SKP2: variants seen among roughly 807,000 people sequenced by gnomAD.
The protein encoded by SKP2 is S-phase kinase associated protein 2.
In SKP2, 16 loss-of-function variants were observed where a neutral mutation model predicts 51.8. The ratio of observed to expected loss-of-function variants is 0.31; its 90% CI spans 0.21 to 0.47. SKP2 has a LOEUF of 0.47. SKP2 is among the 20% of genes least tolerant of loss of function. The pLI is 1.00. For synonymous variants in SKP2, 176 were observed against 198.6 expected, an observed-to-expected ratio of 0.89 and a Z score of 0.96; for missense variants, 377 against 505.3, an observed-to-expected ratio of 0.75 and a Z score of 2.43.
chr5:36,185,565 A>G (rs548778889), downstream of SKP2, among the ~76,000 whole-genome samples: 2 of 152,160 alleles, frequency 1.3e-5, no homozygotes, highest in Non-Finnish European at 1.5e-5. Flanking sequence ...ATGGTTGTAC[A>G]TGTGTGGTAT....
chr5:36,162,745 G>A (rs905366944), intron 2 of SKP2, among the ~76,000 whole-genome samples: 1 of 152,142 alleles, frequency 6.6e-6, no homozygotes, highest in African/African-American at 2.4e-5. Flanking sequence ...AAGCATATTA[G>A]TCTGTTCTCA....
chr5:36,173,751 G>T (rs1440055258), intron 7 of SKP2, among the ~76,000 whole-genome samples: 1 of 152,090 alleles, frequency 6.6e-6, no homozygotes, highest in African/African-American at 2.4e-5. Context: ...GTAAATTGAA[G>T]TGTTAGTTTT....
intron 6 of SKP2, among the ~76,000 whole-genome samples, 164 bp downstream of exon 6, chr5:36,170,606 A>G (rs951557609): frequency 6.6e-6 from 1 of 152,212 alleles, no homozygotes; most frequent in Non-Finnish European, 1.5e-5. Context: ...GTCCAAACTC[A>G]GGAGCCAAGT....
intron 2 of SKP2, among the ~76,000 whole-genome samples, chr5:36,158,539 C>T (rs767297343): frequency 1.6e-4 from 24 of 152,190 alleles, no homozygotes; most frequent in Non-Finnish European, 1.0e-4. Flanking sequence ...TTTCTAGGAC[C>T]TTGCTCCTTC....
chr5:36,192,813 A>T (rs994178280), intron 7 of SKP2: 6 of 152,216 alleles, frequency 3.9e-5, no homozygotes, highest in Non-Finnish European at 7.3e-5. Context: ...TCTGAAACAT[A>T]ACATTTTGTG....
intron 2 of SKP2, among the ~76,000 whole-genome samples, chr5:36,154,315 A>G (rs1744869631): frequency 1.3e-5 from 2 of 152,146 alleles, no homozygotes; most frequent in Admixed American, 1.3e-4. Flanking sequence ...AGGAACAGCC[A>G]CTGCAAAGAC....
rs200229528 is a variant in SKP2 at position 36,181,893 on chromosome 5, A to G, written c.1137A>G (p.Leu379=). The change falls in exon 10 of 10, where the codon TTA becomes TTG. Residue 379 remains leucine, a synonymous_variant. Transcript: ENST00000274255. ...GIVPDGTLQL[L]KEALPHLQIN... is the part of the protein sequence containing the mutation. ...TGCCAGATGGTACCCTTCAACTGTT[A>G]AAGGAAGCCCTTCCTCATCTACAGA... The G allele has an allele frequency of 2.5e-5, 40 of 1,614,024 alleles. 1 individual carries two copies. In the East Asian group the frequency reaches 8.9e-4, roughly 36 times the overall value.
At chr5:36,167,737 C>T (rs886328242) in intron 4 of SKP2, among the ~76,000 whole-genome samples, 1 of 152,058 alleles carries the variant, frequency 6.6e-6, no homozygotes, top group Non-Finnish European at 1.5e-5. Flanking sequence ...TCTGCCTCAG[C>T]CTCTCGAGCA....
intron 2 of SKP2, among the ~76,000 whole-genome samples, chr5:36,161,483 A>G (rs906374949): frequency 6.6e-6 from 1 of 152,176 alleles, no homozygotes; most frequent in Admixed American, 6.5e-5. Flanking sequence ...AGGATGTGCA[A>G]AAGCATTGAG....
intron 6 of SKP2, among the ~76,000 whole-genome samples, chr5:36,191,202 C>G (rs573579626): frequency 6.6e-6 from 1 of 152,172 alleles, no homozygotes; most frequent in East Asian, 1.9e-4. Flanking sequence ...TGATTTTCCC[C>G]CACCCAGGAG....
At chr5:36,188,145 TC>T (rs1431689735), downstream of SKP2, among the ~76,000 whole-genome samples, 4 of 152,226 alleles carry the variant, frequency 2.6e-5, no homozygotes, top group Admixed American at 1.3e-4. Context: ...GAGATGGGTC[TC>T]CTGAATAGAG....
intron 9 of SKP2, among the ~76,000 whole-genome samples, chr5:36,179,846 ATTGTAG>A (rs970688886): frequency 4.0e-5 from 6 of 151,344 alleles, no homozygotes; most frequent in African/African-American, 1.5e-4. Context: ...AGTCTCTTCC[ATTGTAG>A]TTTTTAAAAG....
intron 7 of SKP2, 127 bp from the exon 8 acceptor site, chr5:36,176,838 A>T: frequency 1.7e-6 from 1 of 589,036 alleles, no homozygotes; most frequent in African/African-American, 1.9e-5. Context: ...TTTCTTTCTA[A>T]TAGTGTGTGG....
At chr5:36,170,690 T>C (rs937344061) in intron 6 of SKP2, among the ~76,000 whole-genome samples, 1 of 150,582 alleles carries the variant, frequency 6.6e-6, no homozygotes, top group Non-Finnish European at 1.5e-5. Flanking sequence ...ATAAGGGAAG[T>C]GTAGTAGTGT....
At chr5:36,175,167 A>G (rs113058503) in intron 7 of SKP2, among the ~76,000 whole-genome samples, 38 of 152,118 alleles carry the variant, frequency 2.5e-4, no homozygotes, top group African/African-American at 9.2e-4. Context: ...TTAAAAACCA[A>G]CATCATGAGA....
Position 36,177,004 on chromosome 5 carries a change from A to T in SKP2, c.941A>T (p.His314Leu). Residue 314 changes from histidine (H) to leucine (L), a missense_variant, in exon 8 of 10, where the codon CAT (histidine) becomes CTT (leucine). Physicochemically the swap from His to Leu is moderately conservative, Grantham distance 99. Coordinates refer to ENST00000274255, the MANE Select transcript of SKP2 (RefSeq NM_005983.4). ...GTTAGAAGATGCCCCAATCTTGTCC[A>T]TCTAGACTTAAGGTATTTTTTTATT... ...TLVRRCPNLV[H>L]LDLSDSVMLK... The T allele has an allele frequency of 1.9e-6, 3 of 1,594,730 alleles. No individual in the cohort carries two copies.
Position 36,182,194 on chromosome 5 carries a change from T to C in SKP2, c.*163T>C. On this transcript the variant is annotated 3_prime_UTR_variant, in exon 10 of 10. Transcript: ENST00000274255. ...AGAGGGAAAACTATGAAATCTTGCT[T>C]TTTGAAATGATTCTAAAAGCTTCTA... 7.1e-7 allele frequency: 1 copy of C among 1,416,932 alleles called. No homozygotes were observed. Among genetic ancestry groups the C allele is most frequent in the Non-Finnish European group, 9.2e-7 (1 of 1,089,750 alleles). 87.8% of individuals were successfully genotyped at this position (1,416,932 alleles called of 1,614,324 possible).
intron 3 of SKP2, 131 bp downstream of exon 3, chr5:36,163,887 A>G: frequency 4.8e-6 from 3 of 623,688 alleles, no homozygotes; most frequent in Non-Finnish European, 2.9e-6. Context: ...GTATCTTCAT[A>G]TTTTTATTAA....
rs748144190 is a variant in SKP2, at chr5:36,166,070, C to G, written c.393-449C>G. Among the ~76,000 whole-genome samples, 33 of 152,242 alleles carry G rather than the reference C, an allele frequency of 2.2e-4. 1 individual carries two copies. The highest frequency in any genetic ancestry group is 3.4e-3 in the Middle Eastern group (1 of 294). On this transcript the variant is annotated intron_variant, in intron 3 of 9. Coordinates refer to ENST00000274255, the MANE Select transcript of SKP2 (RefSeq NM_005983.4). Reference sequence around the variant, plus strand: ...TAATAAAATAATGCTAACTTTCGTTCCTTTAGTAATTTTCCATGTTGCTAC... The same window carrying G: ...TAATAAAATAATGCTAACTTTCGTTGCTTTAGTAATTTTCCATGTTGCTAC...
Sources: gnomAD v4.1 joint callset for allele counts (sites outside exome capture counted in the v4.1 genomes callset) on GRCh38, gnomAD v4.1.1 for gene constraint, MANE v1.5 for transcripts, NCBI Gene and HGNC (gene_info 2026-07-23, HGNC 2026-07-21) for gene names.